Variants in ZNF438 observed in about 807,000 individuals in gnomAD.
ZNF438 encodes zinc finger protein 438.
Under a neutral mutation model 38.0 loss-of-function variants are expected in ZNF438, and 25 were observed. The ratio of observed to expected loss-of-function variants is 0.66; its 90% CI spans 0.48 to 0.92. The LOEUF (loss-of-function observed/expected upper bound fraction) is 0.92, where lower values mean the gene tolerates loss of function less well. Ranked by LOEUF, ZNF438 falls within the 40% of genes least tolerant of loss-of-function variation. The probability of loss-of-function intolerance (pLI) is 0.00; values close to 1 mark genes in which losing one functional copy is unlikely to be tolerated. For missense variants in ZNF438, 1,007 were observed against 999.6 expected (o/e 1.01, Z -0.10); for synonymous variants, 372 against 364.1 (o/e 1.02, Z -0.25).
At chr10:30,917,471 C>T (rs2043779321) in intron 2 of ZNF438, among the ~76,000 whole-genome samples, 3 of 152,040 alleles carry the variant, frequency 2.0e-5, no homozygotes, top group Admixed American at 2.0e-4. Context: ...ATAAGAATGC[C>T]AGTTGCTCTA....
At chr10:30,954,207 T>C (rs538461211) in intron 1 of ZNF438, among the ~76,000 whole-genome samples, 2 of 152,216 alleles carry the variant, frequency 1.3e-5, no homozygotes, top group East Asian at 3.9e-4. Flanking sequence ...AGGCGAAAGG[T>C]TGAAAGTGGT....
At chr10:31,029,329 C>CT (rs2057134579) in intron 1 of ZNF438, among the ~76,000 whole-genome samples, 1 of 151,812 alleles carries the variant, frequency 6.6e-6, no homozygotes, top group African/African-American at 2.4e-5. Flanking sequence ...TTACATAATA[C>CT]TATTTTTACT....
At chr10:30,952,282 T>C (rs574706008) in intron 1 of ZNF438, among the ~76,000 whole-genome samples, 2,154 of 148,746 alleles carry the variant, frequency 0.014, 59 homozygotes, top group African/African-American at 0.05. Context: ...ACGTTAGACC[T>C]AAAACCATAA....
At chr10:30,847,956 C>T (rs1265518371) in intron 5 of ZNF438, among the ~76,000 whole-genome samples, 2 of 152,216 alleles carry the variant, frequency 1.3e-5, no homozygotes, top group Admixed American at 6.5e-5. Context: ...GTGGGTGGAA[C>T]GAGCCTAATG....
At chr10:30,999,255 A>C (rs955227070) in intron 1 of ZNF438, 21 of 152,192 alleles carry the variant, frequency 1.4e-4, no homozygotes, top group African/African-American at 5.1e-4. Flanking sequence ...AACTATACCA[A>C]AGTAGAATAA....
intron 3 of ZNF438, among the ~76,000 whole-genome samples, chr10:30,905,273 C>T: frequency 6.6e-6 from 1 of 152,210 alleles, no homozygotes; most frequent in Admixed American, 6.5e-5. Context: ...CAAATCCTCA[C>T]TAATACTTGT....
At chr10:30,869,467 A>G (rs2037032407) in intron 4 of ZNF438, among the ~76,000 whole-genome samples, 1 of 152,218 alleles carries the variant, frequency 6.6e-6, no homozygotes, top group African/African-American at 2.4e-5. Flanking sequence ...AAATTTACTA[A>G]TATTTTAAAC....
intron 1 of ZNF438, among the ~76,000 whole-genome samples, chr10:30,949,522 C>T (rs1021709412): frequency 7.2e-5 from 11 of 152,190 alleles, no homozygotes; most frequent in African/African-American, 2.4e-4. Flanking sequence ...TGTGCAGAGA[C>T]ACATATAGGC....
chr10:31,013,270 G>T (rs1251284059), intron 1 of ZNF438, among the ~76,000 whole-genome samples: 2 of 151,814 alleles, frequency 1.3e-5, no homozygotes, highest in Non-Finnish European at 2.9e-5. Flanking sequence ...AGTGAGCCGA[G>T]ATCCCGCCAC....
chr10:30,999,610 C>T (rs1433894902), intron 1 of ZNF438: 1 of 152,300 alleles, frequency 6.6e-6, no homozygotes, highest in East Asian at 1.9e-4. Context: ...TTTCCTAACA[C>T]AGCATTTGTC....
At chr10:31,008,767 T>C (rs2055387472) in intron 1 of ZNF438, among the ~76,000 whole-genome samples, 1 of 152,212 alleles carries the variant, frequency 6.6e-6, no homozygotes, top group South Asian at 2.1e-4. Flanking sequence ...GTAGGTATGT[T>C]TTCATTTCTC....
exon 5 of ZNF438, chr10:30,848,896 C>T: frequency 3.1e-6 from 5 of 1,614,226 alleles, no homozygotes; most frequent in Non-Finnish European, 4.2e-6. Context: ...GCCAAGGCTT[C>T]TTAATGCCAG....
At chr10:30,925,084 G>A (rs2044754389) in intron 2 of ZNF438, among the ~76,000 whole-genome samples, 1 of 152,158 alleles carries the variant, frequency 6.6e-6, no homozygotes. Context: ...GAATTTAGCT[G>A]TTGAGTCCTA....
intron 1 of ZNF438, among the ~76,000 whole-genome samples, chr10:30,967,790 C>T (rs1394835990): frequency 2.6e-5 from 4 of 152,102 alleles, no homozygotes; most frequent in African/African-American, 9.7e-5. Flanking sequence ...TTGGCCAGTG[C>T]AAGCAGGCCA....
At chr10:30,913,809 C>A in intron 2 of ZNF438, among the ~76,000 whole-genome samples, 1 of 152,070 alleles carries the variant, frequency 6.6e-6, no homozygotes, top group East Asian at 1.9e-4. Context: ...CAAGGAACTT[C>A]TCTTGTATCT....
chr10:30,981,471 T>C (rs2052134488), intron 1 of ZNF438, among the ~76,000 whole-genome samples: 1 of 152,162 alleles, frequency 6.6e-6, no homozygotes, highest in Non-Finnish European at 1.5e-5. Context: ...ATCTCAGAAT[T>C]AGACTGGAGA....
At chr10:30,930,187 G>A (rs1326930742) in intron 2 of ZNF438, among the ~76,000 whole-genome samples, 1 of 152,034 alleles carries the variant, frequency 6.6e-6, no homozygotes, top group African/African-American at 2.4e-5. Context: ...CGGGGCTCAG[G>A]CATGGTGGGT....
At chr10:31,016,391 T>C (rs1021522247) in intron 1 of ZNF438, among the ~76,000 whole-genome samples, 1 of 152,244 alleles carries the variant, frequency 6.6e-6, no homozygotes, top group African/African-American at 2.4e-5. Flanking sequence ...ATTCTATATT[T>C]GATTCCTGCT....
chr10:30,989,045 TCTA>T (rs374017111), intron 1 of ZNF438, among the ~76,000 whole-genome samples: 1 of 152,288 alleles, frequency 6.6e-6, no homozygotes, highest in African/African-American at 2.4e-5. Flanking sequence ...AAGAGGCAAG[TCTA>T]CATCAAGATG....
Sources: allele counts gnomAD v4.1 joint callset (sites outside exome capture counted in the v4.1 genomes callset), GRCh38; gene constraint gnomAD v4.1.1; transcripts MANE v1.5; gene names NCBI Gene and HGNC (gene_info 2026-07-23, HGNC 2026-07-21).